SETBP1: variants seen among roughly 807,000 people sequenced by gnomAD.
SETBP1 encodes the protein SET binding protein 1.
SETBP1 carries 9 observed loss-of-function variants against 101.0 expected under a neutral mutation model. That is an observed-to-expected ratio of 0.09 (90% confidence interval 0.05 to 0.16). SETBP1 has a LOEUF of 0.16. Among genes scored for constraint, SETBP1 ranks in the 10% least tolerant of loss-of-function variants. The probability of loss-of-function intolerance (pLI) is 1.00; values close to 1 mark genes in which losing one functional copy is unlikely to be tolerated. For synonymous variants in SETBP1, 818 were observed against 788.5 expected, an observed-to-expected ratio of 1.04 and a Z score of -0.63; for missense variants, 1,858 against 2,033.8, an observed-to-expected ratio of 0.91 and a Z score of 1.66.
chr18:45,034,898 AG>A (rs1319301626), intron 4 of SETBP1, among the ~76,000 whole-genome samples: 8 of 152,140 alleles, frequency 5.3e-5, no homozygotes, highest in Middle Eastern at 3.2e-3. Context: ...AGTCCGTACA[AG>A]GTTAAATCTG....
At chr18:44,867,642 A>G (rs545681071) in intron 2 of SETBP1, among the ~76,000 whole-genome samples, 51 of 152,040 alleles carry the variant, frequency 3.4e-4, no homozygotes, top group African/African-American at 1.2e-3. Flanking sequence ...TTTAATTATC[A>G]TCAGAGGGGT....
intron 3 of SETBP1, among the ~76,000 whole-genome samples, chr18:44,878,523 A>G (rs1015873626): frequency 1.3e-5 from 2 of 152,316 alleles, no homozygotes; most frequent in African/African-American, 4.8e-5. Context: ...AGTATGATAC[A>G]TGACTGTGCT....
intron 3 of SETBP1, among the ~76,000 whole-genome samples, chr18:44,928,038 G>A (rs894821596): frequency 2.7e-4 from 41 of 151,166 alleles, no homozygotes; most frequent in Non-Finnish European, 4.9e-4. Context: ...CCATTAACTC[G>A]TCATTTACAT....
At chr18:44,713,741 G>A (rs2069396601) in intron 2 of SETBP1, among the ~76,000 whole-genome samples, 1 of 152,190 alleles carries the variant, frequency 6.6e-6, no homozygotes, top group Non-Finnish European at 1.5e-5. Context: ...ATTGTCTTAT[G>A]CTACTTTTGC....
chr18:44,958,289 A>G (rs901615420), intron 4 of SETBP1, among the ~76,000 whole-genome samples: 2 of 152,222 alleles, frequency 1.3e-5, no homozygotes, highest in African/African-American at 4.8e-5. Flanking sequence ...CACTGGTTGT[A>G]TATTAATCTA....
intron 3 of SETBP1, among the ~76,000 whole-genome samples, chr18:44,882,074 C>A (rs192924922): frequency 1.4e-3 from 208 of 152,100 alleles, no homozygotes; most frequent in Non-Finnish European, 2.5e-3. Flanking sequence ...CTTTGAGAAT[C>A]ATTTGGTGGA....
At chr18:44,879,955 C>T (rs1040099476) in intron 3 of SETBP1, among the ~76,000 whole-genome samples, 7 of 152,178 alleles carry the variant, frequency 4.6e-5, no homozygotes, top group African/African-American at 1.7e-4. Flanking sequence ...TTCATTCAAC[C>T]ACAGAGTATT....
chr18:45,013,545 T>A lies in SETBP1; in HGVS notation c.4001-24940T>A, dbSNP rs538166857. ...ACTTCTGCCTCCCGGGTTCAAGCAA[T>A]ACTCCTGCCTCAGCCTCCCAAGTAG... On this transcript the variant is annotated intron_variant, in intron 4 of 5. Coordinates refer to ENST00000649279, the MANE Select transcript of SETBP1 (RefSeq NM_015559.3). 5.3e-5 allele frequency among the ~76,000 whole-genome samples: 8 copies of A among 152,212 alleles called. No homozygotes were observed. The East Asian group carries it at 1.5e-3, about 29-fold the overall frequency.
At chr18:45,034,512 A>C (rs1363769502) in intron 4 of SETBP1, among the ~76,000 whole-genome samples, 1 of 152,176 alleles carries the variant, frequency 6.6e-6, no homozygotes, top group East Asian at 1.9e-4. Flanking sequence ...CACAGGCTAC[A>C]GCACAGTTTC....
chr18:44,739,897 C>A (rs537171287), intron 2 of SETBP1, among the ~76,000 whole-genome samples: 194 of 152,244 alleles, frequency 1.3e-3, no homozygotes, highest in Non-Finnish European at 2.0e-3. Context: ...TCCCATGTGA[C>A]CTTCTATGAA....
chr18:44,796,821 G>A (rs371339082), intron 2 of SETBP1, among the ~76,000 whole-genome samples: 31 of 152,088 alleles, frequency 2.0e-4, no homozygotes, highest in African/African-American at 6.0e-4. Flanking sequence ...ACACACACAC[G>A]CGCACACACA....
chr18:44,916,906 G>A (rs958108678), intron 3 of SETBP1, among the ~76,000 whole-genome samples: 19 of 152,138 alleles, frequency 1.2e-4, no homozygotes, highest in African/African-American at 4.3e-4. Context: ...AGAAAGTGAA[G>A]GCCCCCACCT....
Position 44,950,732 on chromosome 18 carries a change from C to T in SETBP1, c.1392C>T (p.Val464=). The change falls in exon 4 of 6, where the codon GTC becomes GTT. Residue 464 remains valine, a synonymous_variant. Transcript: ENST00000649279. ...NSEGNKKDPR[V]PKLSKMIENE... ...AGGGGAATAAGAAGGATCCCCGTGT[C>T]CCTAAGTTGAGTAAAATGATAGAGA... 1.2e-6 allele frequency: 2 copies of T among 1,614,082 alleles called. No individual in the cohort carries two copies. Among genetic ancestry groups the T allele is most frequent in the Non-Finnish European group, 1.7e-6 (2 of 1,180,014 alleles).
At chr18:44,731,770 C>G (rs1036304398) in intron 2 of SETBP1, among the ~76,000 whole-genome samples, 5 of 152,290 alleles carry the variant, frequency 3.3e-5, no homozygotes, top group Admixed American at 6.5e-5. Context: ...CAAACACGTG[C>G]TCTCTCAACC....
chr18:45,056,049 T>C (rs1209955232), intron 5 of SETBP1, among the ~76,000 whole-genome samples: 1 of 152,238 alleles, frequency 6.6e-6, no homozygotes, highest in Admixed American at 6.5e-5. Context: ...GTAACATTAC[T>C]GACAGTCCAT....
intron 3 of SETBP1, among the ~76,000 whole-genome samples, chr18:44,874,383 T>G (rs1334758224): frequency 6.6e-6 from 1 of 152,038 alleles, no homozygotes; most frequent in African/African-American, 2.4e-5. Flanking sequence ...GCATTGAAAG[T>G]TTGAGGGCAG....
At chr18:44,989,984 TA>T in intron 4 of SETBP1, among the ~76,000 whole-genome samples, 1 of 149,164 alleles carries the variant, frequency 6.7e-6, no homozygotes, top group African/African-American at 2.5e-5. Context: ...AAACAATCAT[TA>T]GGTTTTTAGC....
At chr18:44,925,921 G>A (rs1433182988) in intron 3 of SETBP1, among the ~76,000 whole-genome samples, 2 of 152,188 alleles carry the variant, frequency 1.3e-5, no homozygotes, top group African/African-American at 4.8e-5. Flanking sequence ...TAATTAAGAG[G>A]TGAGTGAAAA....
At chr18:45,016,779 C>G (rs1480265016) in intron 4 of SETBP1, among the ~76,000 whole-genome samples, 1 of 150,350 alleles carries the variant, frequency 6.7e-6, no homozygotes, top group Non-Finnish European at 1.5e-5. Context: ...AGAGCTCTCA[C>G]TCCACCCCCA....
Sources: gnomAD v4.1 joint callset for allele counts (sites outside exome capture counted in the v4.1 genomes callset) on GRCh38, gnomAD v4.1.1 for gene constraint, MANE v1.5 for transcripts, NCBI Gene and HGNC (gene_info 2026-07-23, HGNC 2026-07-21) for gene names.